APLN: variants seen among roughly 807,000 people sequenced by gnomAD.
APLN encodes the protein AGTRL1 ligand.
A neutral mutation model predicts 4.3 loss-of-function variants in APLN; 2 were observed. That is an observed-to-expected ratio of 0.46 (90% CI 0.19 to 1.45). APLN has a LOEUF of 1.45. APLN is among the 40% of genes most tolerant of loss of function. The probability of loss-of-function intolerance (pLI) is 0.25; values close to 1 mark genes in which losing one functional copy is unlikely to be tolerated. For missense variants in APLN, 80 were observed against 70.0 expected, an observed-to-expected ratio of 1.14 and a Z score of -0.51; for synonymous variants, 34 against 30.4, an observed-to-expected ratio of 1.12 and a Z score of -0.38.
intron 2 of APLN, among the ~76,000 whole-genome samples, chrX:129,648,359 A>G (rs1021660175): frequency 8.9e-6 from 1 of 112,050 alleles, no homozygotes. Context: ...AGCCTCCCCA[A>G]CCCCAGGCAG....
rs1296149045 is a variant in APLN, at chrX:129,645,733, G to C, written c.*2190C>G. The C allele has an allele frequency of 8.9e-6, 1 of 112,253 alleles. No homozygotes were observed. Among genetic ancestry groups the C allele is most frequent in the Non-Finnish European group, 1.9e-5 (1 of 53,192 alleles). The allele number at this position is 112,253 out of a possible 1,213,427, so 9.3% of individuals were successfully genotyped here. A position where few individuals can be genotyped will look rare whatever the true frequency, so the allele number is the denominator to read the frequency against. ...ACCTCCCTGCACGTGCAATATGTGG[G>C]CATGGGGACACCCATGACCCCCAGG... On this transcript the variant is annotated 3_prime_UTR_variant, in exon 3 of 3. Transcript: ENST00000429967.
At chrX:129,649,532 T>C (rs890505874) in intron 1 of APLN, among the ~76,000 whole-genome samples, 25 of 111,412 alleles carry the variant, frequency 2.2e-4, no homozygotes, top group African/African-American at 8.2e-4. Flanking sequence ...TTTAGAGACC[T>C]GAGACCAGAT....
intron 1 of APLN, among the ~76,000 whole-genome samples, chrX:129,650,200 T>C (rs60893260): frequency 0.032 from 3,589 of 110,728 alleles, 145 homozygotes; most frequent in African/African-American, 0.11. Flanking sequence ...ACAGTTTCCA[T>C]AGAGCCTCCC....
chrX:129,654,117 G>A (rs1354934526), intron 1 of APLN, among the ~76,000 whole-genome samples: 1 of 113,081 alleles, frequency 8.8e-6, no homozygotes, highest in Non-Finnish European at 1.9e-5. Context: ...CCCTGGACTG[G>A]CGGGAGGCTC....
rs1936946018 is a variant in APLN, at chrX:129,647,211, T to C, written c.*712A>G. The C allele has an allele frequency of 6.8e-6, 1 of 147,288 alleles. No homozygotes were observed. The highest frequency in any genetic ancestry group is 3.0e-5 in the African/African-American group (1 of 33,127). 12.1% of individuals were successfully genotyped at this position (147,288 alleles called of 1,213,427 possible). The stretch of plus-strand genomic sequence containing the variant: ...GCACCCTCCCCTCCTGACCTGGAGC[T>C]TGGGCTAGCTGGGGATGGGGTGTGG... On this transcript the variant is annotated 3_prime_UTR_variant, in exon 3 of 3. Coordinates refer to ENST00000429967, the MANE Select transcript of APLN (RefSeq NM_017413.5).
At position 129,646,294 on chromosome X, in the gene APLN, G is replaced by T; in HGVS notation, c.*1629C>A. The T allele has an allele frequency of 1.7e-5, 2 of 115,005 alleles. No homozygotes were observed. The highest frequency in any genetic ancestry group is 5.9e-4 in the South Asian group (2 of 3,372). 9.5% of individuals were successfully genotyped at this position (115,005 alleles called of 1,213,427 possible). A position where few individuals can be genotyped will look rare whatever the true frequency, so the allele number is the denominator to read the frequency against. ...AAACATTGGGGCTATTGTGGGACTT[G>T]GGGGGCCCTGACTCCCCCGTCCCCA... On this transcript the variant is annotated 3_prime_UTR_variant, in exon 3 of 3. Transcript: ENST00000429967.
chrX:129,653,562 T>C (rs1378115099), intron 1 of APLN, among the ~76,000 whole-genome samples: 1 of 112,431 alleles, frequency 8.9e-6, no homozygotes, highest in African/African-American at 3.2e-5. Flanking sequence ...CTGTGGCAGC[T>C]GGAGGTGGGA....
rs776227049 is a variant in APLN, at chrX:129,646,376, T to G, written c.*1547A>C. The G allele has an allele frequency of 8.9e-6, 1 of 112,703 alleles. No homozygotes were observed. Among genetic ancestry groups the G allele is most frequent in the Admixed American group, 9.3e-5 (1 of 10,702 alleles). The allele number at this position is 112,703 out of a possible 1,213,427, so 9.3% of individuals were successfully genotyped here. A position where few individuals can be genotyped will look rare whatever the true frequency, so the allele number is the denominator to read the frequency against. On this transcript the variant is annotated 3_prime_UTR_variant, in exon 3 of 3. Transcript: ENST00000429967. Reference sequence around the variant, plus strand: ...TTCTCTTTCTCCCTCCTGGGAACCCTGCTCAAGCAAAAGGGGAGAAAGCCC... The same window carrying G: ...TTCTCTTTCTCCCTCCTGGGAACCCGGCTCAAGCAAAAGGGGAGAAAGCCC...
intron 1 of APLN, among the ~76,000 whole-genome samples, chrX:129,652,612 G>A (rs1936985597): frequency 8.9e-6 from 1 of 112,596 alleles, no homozygotes; most frequent in East Asian, 2.8e-4. Context: ...TTTCCAGCAC[G>A]AGGCTTGAGC....
intron 1 of APLN, 101 bp downstream of exon 1, chrX:129,654,463 G>T: frequency 2.4e-6 from 2 of 819,891 alleles, no homozygotes; most frequent in Non-Finnish European, 1.6e-6. Context: ...CTACTGCACG[G>T]CTCGCGCCGG....
In APLN at chrX:129,645,612, T is replaced by C. The variant is rs1405868763; in HGVS notation, c.*2311A>G. The C allele has an allele frequency of 8.9e-6, 1 of 112,681 alleles. No homozygotes were observed. Among genetic ancestry groups the C allele is most frequent in the African/African-American group, 3.2e-5 (1 of 30,869 alleles). The allele number at this position is 112,681 out of a possible 1,213,427, so 9.3% of individuals were successfully genotyped here. ...ACCTGTAAGTGGGCTGGATTTTATG[T>C]GACCTGGTCATTAAGCATAGGGATT... On this transcript the variant is annotated 3_prime_UTR_variant, in exon 3 of 3. Transcript: ENST00000429967.
chrX:129,651,037 C>G (rs1257240878), intron 1 of APLN, among the ~76,000 whole-genome samples: 2 of 107,288 alleles, frequency 1.9e-5, no homozygotes, highest in Non-Finnish European at 3.8e-5. Flanking sequence ...AAGCATGGTG[C>G]CAGGAGGGGG....
At position 129,646,501 on chromosome X, in the gene APLN, C is replaced by T. The variant is rs1461341834; in HGVS notation, c.*1422G>A. The T allele has an allele frequency of 8.9e-6, 1 of 112,596 alleles. No individual in the cohort carries two copies. Among genetic ancestry groups the T allele is most frequent in the Non-Finnish European group, 1.9e-5 (1 of 53,252 alleles). The allele number at this position is 112,596 out of a possible 1,213,427, so 9.3% of individuals were successfully genotyped here. A position where few individuals can be genotyped will look rare whatever the true frequency, so the allele number is the denominator to read the frequency against. The stretch of plus-strand genomic sequence containing the variant: ...ACTTCCTCCCATCTTTCTTTCCTTC[C>T]TTCTGTTCCTTTGCTTTCTTTTCTT... On this transcript the variant is annotated 3_prime_UTR_variant, in exon 3 of 3. Transcript: ENST00000429967.
In APLN at chrX:129,654,651, G is replaced by A. The variant is rs1003266114; in HGVS notation, c.-21C>T. On this transcript the variant is annotated 5_prime_UTR_variant, in exon 1 of 3. Coordinates refer to ENST00000429967, the MANE Select transcript of APLN (RefSeq NM_017413.5). ...TTCATGCTGCTCCTTGGGCCGCCGC[G>A]GCCCCGGCGAGCCGGCGCGGGGGAG... 6.1e-5 allele frequency: 67 copies of A among 1,090,173 alleles called. No individual in the cohort carries two copies. The African/African-American group carries it at 1.2e-3, about 19-fold the overall frequency. 89.8% of individuals were successfully genotyped at this position (1,090,173 alleles called of 1,213,427 possible). A position where few individuals can be genotyped will look rare whatever the true frequency, so the allele number is the denominator to read the frequency against.
Position 129,649,098 on chromosome X carries a change from G to T in APLN, c.68-306C>A, listed in dbSNP as rs148439249. 6.7e-4 allele frequency among the ~76,000 whole-genome samples: 74 copies of T among 110,704 alleles called. No individual in the cohort carries two copies. In the East Asian group the frequency reaches 0.011, roughly 16 times the overall value. On this transcript the variant is annotated intron_variant, in intron 1 of 2. Coordinates refer to ENST00000429967, the MANE Select transcript of APLN (RefSeq NM_017413.5). ...ACGTCATTGGGGGGTGTGCACTTTGGGTTGTCACGCCTGTACTTGGCTGGG... is the reference window on the plus strand; with the variant it reads ...ACGTCATTGGGGGGTGTGCACTTTGTGTTGTCACGCCTGTACTTGGCTGGG...
chrX:129,654,434 G>T (rs1192738593), intron 1 of APLN, 130 bp downstream of exon 1: 5 of 511,163 alleles, frequency 9.8e-6, no homozygotes, highest in Non-Finnish European at 1.4e-5. Context: ...GCTGCCTGGC[G>T]CTGGCCGGCG....
intron 1 of APLN, among the ~76,000 whole-genome samples, chrX:129,652,097 G>A (rs1281654645): frequency 1.8e-5 from 2 of 111,568 alleles, no homozygotes; most frequent in African/African-American, 6.5e-5. Flanking sequence ...CCCTGAGCAG[G>A]AGGGGTACAG....
chrX:129,647,776 G>A lies in APLN; in HGVS notation c.*147C>T, dbSNP rs1050816199. 1.3e-5 allele frequency: 13 copies of A among 983,175 alleles called. No homozygotes were observed. Among genetic ancestry groups the A allele is most frequent in the Non-Finnish European group, 1.7e-5 (13 of 756,139 alleles). The allele number at this position is 983,175 out of a possible 1,213,427, so 81.0% of individuals were successfully genotyped here. A position where few individuals can be genotyped will look rare whatever the true frequency, so the allele number is the denominator to read the frequency against. ...AGGAGCACGCCACTGGGGGAAGCAG[G>A]CAGGTGAGAAGAGCTGGGCCCACTG... On this transcript the variant is annotated 3_prime_UTR_variant, in exon 3 of 3. Coordinates refer to ENST00000429967, the MANE Select transcript of APLN (RefSeq NM_017413.5).
intron 1 of APLN, among the ~76,000 whole-genome samples, chrX:129,650,702 G>A (rs187062136): frequency 1.4e-3 from 155 of 112,274 alleles, no homozygotes; most frequent in Non-Finnish European, 2.6e-3. Flanking sequence ...CTGTCTGACT[G>A]TCATAGAGCT....
Sources: gnomAD v4.1 joint callset for allele counts (sites outside exome capture counted in the v4.1 genomes callset) on GRCh38, gnomAD v4.1.1 for gene constraint, MANE v1.5 for transcripts, NCBI Gene and HGNC (gene_info 2026-07-23, HGNC 2026-07-21) for gene names.